The following ZNF334 variants were observed in gnomAD, a reference collection of about 807,000 sequenced individuals.
The protein encoded by ZNF334 is zinc finger protein 334.
In ZNF334, 14 loss-of-function variants were observed where a neutral mutation model predicts 12.4. The observed-to-expected ratio is 1.13, with a 90% CI of 0.74 to 1.76. ZNF334 has a LOEUF of 1.76. Among genes scored for constraint, ZNF334 ranks in the 40% most tolerant of loss-of-function variants. ZNF334 has a pLI of 0.00. For missense variants in ZNF334, 797 were observed against 804.5 expected, an observed-to-expected ratio of 0.99 and a Z score of 0.11; for synonymous variants, 273 against 269.6, an observed-to-expected ratio of 1.01 and a Z score of -0.12.
At chr20:46,465,500 C>A in the ZNF334 span, among the ~76,000 whole-genome samples, 1 of 152,110 alleles carries the variant, frequency 6.6e-6, no homozygotes, top group South Asian at 2.1e-4. Flanking sequence ...GAGTTTGAGA[C>A]CATCCTGGGC....
chr20:46,493,427 G>A, the ZNF334 span, among the ~76,000 whole-genome samples: 4 of 152,198 alleles, frequency 2.6e-5, no homozygotes, highest in Non-Finnish European at 4.4e-5. Flanking sequence ...AGGGTAAAGA[G>A]TTAGGAGGGG....
the ZNF334 span, among the ~76,000 whole-genome samples, chr20:46,476,817 T>C: frequency 2.9e-4 from 44 of 152,332 alleles, no homozygotes; most frequent in Admixed American, 1.5e-3. Flanking sequence ...TAAGTTATAA[T>C]GATGGAGAAT....
At chr20:46,478,427 A>C in the ZNF334 span, among the ~76,000 whole-genome samples, 1 of 152,232 alleles carries the variant, frequency 6.6e-6, no homozygotes, top group African/African-American at 2.4e-5. Flanking sequence ...AAAGACTTAG[A>C]ATCAATGGAA....
At chr20:46,510,689 CAG>C (rs2061614645) in intron 2 of ZNF334, among the ~76,000 whole-genome samples, 2 of 145,556 alleles carry the variant, frequency 1.4e-5, no homozygotes, top group Admixed American at 7.2e-5. Flanking sequence ...ACCCGGGAGG[CAG>C]AGTTTGCAGT....
chr20:46,502,424 T>A lies in ZNF334; in HGVS notation c.915A>T (p.Lys305Asn). 1 of 1,614,154 alleles carries A rather than the reference T, an allele frequency of 6.2e-7. No homozygotes were observed. The highest frequency in any genetic ancestry group is 1.7e-5 in the Admixed American group (1 of 60,030). The change falls in exon 5 of 5, where the codon AAA becomes AAT. Residue 305 changes from lysine (K) to asparagine (N), a missense_variant. Transcript: ENST00000692313. The stretch of plus-strand genomic sequence containing the variant: ...TTTTCTGGTGTACAATAAGGGCAGA[T>A]TTGTCAATGAAGGTTTTCCTGCATT... The part of the protein sequence containing the change: ...CSECRKTFID[K>N]SALIVHQKIH...
rs761507470 is a variant in ZNF334, at chr20:46,502,307, T to G, written c.1032A>C (p.Thr344=). 3 of 1,613,912 alleles carry G rather than the reference T, an allele frequency of 1.9e-6. No individual in the cohort carries two copies. The highest frequency in any genetic ancestry group is 2.5e-6 in the Non-Finnish European group (3 of 1,179,844). ...CCTTGCATTCGTAAGGCTTCTCCCC[T>G]GTGTGTGACCTGAAATGTTCAGCCA... is the stretch of plus-strand genomic sequence containing the variant. The part of the protein sequence containing the change: ...SALAEHFRSH[T]GEKPYECKEC... The change falls in exon 5 of 5, where the codon ACA becomes ACC. Residue 344 remains threonine (T), a synonymous_variant. Coordinates refer to ENST00000692313, the MANE Select transcript of ZNF334 (RefSeq NM_001353824.2).
At chr20:46,503,840 T>C (rs2061336381) in intron 4 of ZNF334, among the ~76,000 whole-genome samples, 1 of 151,960 alleles carries the variant, frequency 6.6e-6, no homozygotes, top group East Asian at 1.9e-4. Context: ...TAGAGAAAAA[T>C]GGAAGACAAT....
the ZNF334 span, among the ~76,000 whole-genome samples, chr20:46,468,561 G>A: frequency 8.4e-4 from 127 of 151,976 alleles, no homozygotes; most frequent in South Asian, 2.1e-3. Context: ...TTGGGATTAC[G>A]GGCGTGAGCT....
At chr20:46,470,122 T>TA in the ZNF334 span, among the ~76,000 whole-genome samples, 1 of 152,210 alleles carries the variant, frequency 6.6e-6, no homozygotes, top group Non-Finnish European at 1.5e-5. Context: ...AATTTTAACT[T>TA]CTCTCATTTT....
At chr20:46,494,232 C>T in the ZNF334 span, among the ~76,000 whole-genome samples, 1 of 152,184 alleles carries the variant, frequency 6.6e-6, no homozygotes, top group Non-Finnish European at 1.5e-5. Context: ...ACGTCGGTGG[C>T]AACTTGCCTG....
the ZNF334 span, among the ~76,000 whole-genome samples, chr20:46,486,935 T>C: frequency 6.6e-6 from 1 of 152,230 alleles, no homozygotes; most frequent in Admixed American, 6.5e-5. Context: ...TCAGCTTTTT[T>C]GAATTGCTTC....
intron 1 of ZNF334, among the ~76,000 whole-genome samples, 178 bp from the exon 2 acceptor site, chr20:46,512,318 T>C (rs1275256453): frequency 6.6e-6 from 1 of 152,244 alleles, no homozygotes; most frequent in Non-Finnish European, 1.5e-5. Flanking sequence ...AATGGTCTCA[T>C]AGAGCTTTTC....
At chr20:46,486,395 C>T in the ZNF334 span, among the ~76,000 whole-genome samples, 1 of 152,242 alleles carries the variant, frequency 6.6e-6, no homozygotes, top group Admixed American at 6.5e-5. Context: ...GCCTGGGCAA[C>T]AGAGTGAAAC....
the ZNF334 span, among the ~76,000 whole-genome samples, chr20:46,468,218 G>A: frequency 1.3e-5 from 2 of 152,130 alleles, no homozygotes; most frequent in African/African-American, 2.4e-5. Context: ...GGGGCTCCCC[G>A]ATAGGTGGTG....
chr20:46,503,593 T>G (rs550473200), intron 4 of ZNF334, among the ~76,000 whole-genome samples: 1 of 152,266 alleles, frequency 6.6e-6, no homozygotes, highest in South Asian at 2.1e-4. Flanking sequence ...AATCTGAAAT[T>G]TTTGCAGTGA....
At chr20:46,463,464 T>C in the ZNF334 span, among the ~76,000 whole-genome samples, 1 of 152,258 alleles carries the variant, frequency 6.6e-6, no homozygotes, top group South Asian at 2.1e-4. Flanking sequence ...CCACATCCTG[T>C]GTTGGAGCAG....
chr20:46,487,942 G>A, the ZNF334 span, among the ~76,000 whole-genome samples: 1 of 152,154 alleles, frequency 6.6e-6, no homozygotes, highest in African/African-American at 2.4e-5. Context: ...GGCAATGTCT[G>A]GGTGATCTTT....
the ZNF334 span, chr20:46,485,431 T>G: frequency 1.4e-5 from 2 of 143,298 alleles, no homozygotes; most frequent in African/African-American, 5.3e-5. Context: ...TCACAGAAGG[T>G]TTTTTTTGTT....
the ZNF334 span, among the ~76,000 whole-genome samples, chr20:46,480,437 T>C: frequency 6.6e-6 from 1 of 152,138 alleles, no homozygotes; most frequent in Non-Finnish European, 1.5e-5. Context: ...CCTCTCCTCC[T>C]CCATGCAGCT....
Sources: gnomAD v4.1 joint callset for allele counts (sites outside exome capture counted in the v4.1 genomes callset) on GRCh38, gnomAD v4.1.1 for gene constraint, MANE v1.5 for transcripts, NCBI Gene and HGNC (gene_info 2026-07-23, HGNC 2026-07-21) for gene names.